Variants in ERC2 observed in about 807,000 individuals in gnomAD.
The protein encoded by ERC2 is ELKS/RAB6-interacting/CAST family member 2, also known as ERC protein 2.
A neutral mutation model predicts 114.8 loss-of-function variants in ERC2; 42 were observed. That is an observed-to-expected ratio of 0.37 (90% CI 0.29 to 0.47). The LOEUF (loss-of-function observed/expected upper bound fraction) is 0.47. ERC2 is among the 20% of genes least tolerant of loss of function. ERC2 has a pLI of 0.99. For synonymous variants in ERC2, 454 were observed against 425.5 expected, an observed-to-expected ratio of 1.07 and a Z score of -0.82; for missense variants, 939 against 1,150.7, an observed-to-expected ratio of 0.82 and a Z score of 2.66.
chr3:55,881,441 A>G (rs2063115154), intron 14 of ERC2, among the ~76,000 whole-genome samples: 1 of 152,236 alleles, frequency 6.6e-6, no homozygotes, highest in Non-Finnish European at 1.5e-5. Context: ...GTATAAGCAT[A>G]GGAAATCACC....
chr3:55,671,286 AATT>A (rs1165867330), intron 17 of ERC2, among the ~76,000 whole-genome samples: 4 of 152,218 alleles, frequency 2.6e-5, no homozygotes, highest in African/African-American at 4.8e-5. Flanking sequence ...TATTACAAAA[AATT>A]ATACTCATTA....
intron 3 of ERC2, among the ~76,000 whole-genome samples, chr3:56,175,301 A>C (rs544669427): frequency 6.6e-6 from 1 of 152,348 alleles, no homozygotes; most frequent in South Asian, 2.1e-4. Flanking sequence ...TTTGAGAACT[A>C]TACTTCCTAA....
chr3:55,551,245 G>A (rs1330298726), intron 17 of ERC2, among the ~76,000 whole-genome samples: 2 of 151,924 alleles, frequency 1.3e-5, no homozygotes, highest in African/African-American at 4.8e-5. Flanking sequence ...ATTGGCTGCT[G>A]GGCACGGTGG....
At chr3:56,374,299 G>A (rs184934958) in intron 2 of ERC2, among the ~76,000 whole-genome samples, 22 of 152,114 alleles carry the variant, frequency 1.4e-4, no homozygotes, top group Non-Finnish European at 2.5e-4. Context: ...GGGTTTCAGC[G>A]TGTTAGCCAG....
chr3:56,371,171 G>T (rs1235102361), intron 2 of ERC2, among the ~76,000 whole-genome samples: 1 of 152,152 alleles, frequency 6.6e-6, no homozygotes, highest in Non-Finnish European at 1.5e-5. Context: ...AGACCAAATA[G>T]GCAAAAGAAC....
At chr3:56,380,032 G>A (rs567036591) in intron 2 of ERC2, among the ~76,000 whole-genome samples, 99 of 151,980 alleles carry the variant, frequency 6.5e-4, no homozygotes, top group African/African-American at 2.2e-3. Flanking sequence ...ACAGCACCCC[G>A]GGCCCCCTCA....
chr3:56,375,506 T>C (rs893853967), intron 2 of ERC2, among the ~76,000 whole-genome samples: 12 of 152,222 alleles, frequency 7.9e-5, no homozygotes, highest in African/African-American at 2.9e-4. Flanking sequence ...GCCACAACTC[T>C]AGGCCTTGGG....
intron 14 of ERC2, among the ~76,000 whole-genome samples, chr3:55,867,674 C>T (rs1257425627): frequency 2.0e-5 from 3 of 152,074 alleles, no homozygotes. Context: ...ACTCGTTCTT[C>T]TTTTTGCTAG....
At chr3:56,284,993 T>G (rs2054583562) in intron 3 of ERC2, among the ~76,000 whole-genome samples, 1 of 105,102 alleles carries the variant, frequency 9.5e-6, no homozygotes. Flanking sequence ...ACTCTGTCTC[T>G]CTCTCTCTCT....
At chr3:55,627,592 T>C (rs1303266216) in intron 17 of ERC2, among the ~76,000 whole-genome samples, 1 of 152,208 alleles carries the variant, frequency 6.6e-6, no homozygotes, top group Non-Finnish European at 1.5e-5. Flanking sequence ...CCTTAATATT[T>C]AGAAGCTAGG....
intron 17 of ERC2, among the ~76,000 whole-genome samples, chr3:55,586,447 A>G (rs369886963): frequency 6.6e-6 from 1 of 152,370 alleles, no homozygotes; most frequent in East Asian, 1.9e-4. Context: ...ATATTTCCCC[A>G]TTCTAAATTC....
chr3:56,081,569 A>G (rs2077233486), intron 6 of ERC2, among the ~76,000 whole-genome samples: 1 of 152,204 alleles, frequency 6.6e-6, no homozygotes, highest in Non-Finnish European at 1.5e-5. Flanking sequence ...TAAAGAAAAA[A>G]AAAGAAAAAG....
At chr3:55,786,298 C>G (rs2069481924) in intron 14 of ERC2, among the ~76,000 whole-genome samples, 1 of 152,272 alleles carries the variant, frequency 6.6e-6, no homozygotes, top group South Asian at 2.1e-4. Flanking sequence ...AGCTTTCTAC[C>G]CACTGAATCT....
chr3:56,311,253 CTCTATATATATA>C (rs2056546690), intron 2 of ERC2, among the ~76,000 whole-genome samples: 2 of 43,530 alleles, frequency 4.6e-5, no homozygotes, highest in South Asian at 1.7e-3. Flanking sequence ...CTCTCTCTCT[CTCTATATATATA>C]TATATATATA....
At chr3:56,060,823 C>G (rs2076215350) in intron 7 of ERC2, among the ~76,000 whole-genome samples, 1 of 152,142 alleles carries the variant, frequency 6.6e-6, no homozygotes, top group African/African-American at 2.4e-5. Context: ...CCTCTTCTGC[C>G]CCTGCCCCTA....
intron 17 of ERC2, among the ~76,000 whole-genome samples, chr3:55,531,684 C>T (rs1181765737): frequency 6.6e-6 from 1 of 152,218 alleles, no homozygotes; most frequent in Non-Finnish European, 1.5e-5. Flanking sequence ...TGATTTCAAC[C>T]TGCTGATGGG....
In ERC2 at chr3:56,336,502, C is replaced by T. The variant is rs533135849; in HGVS notation, c.658-40067G>A. Among the ~76,000 whole-genome samples the T allele has an allele frequency of 8.5e-5, 13 of 152,172 alleles. No homozygotes were observed. In the South Asian group the frequency reaches 2.7e-3, roughly 32 times the overall value. On this transcript the variant is annotated intron_variant, in intron 2 of 17. Coordinates refer to ENST00000288221, the MANE Select transcript of ERC2 (RefSeq NM_015576.3). Reference sequence around the variant, plus strand: ...ATGGACCAGCTGGCCAGTAGGAAATCTCCTGTTGTGGCCAGGTGCAGTGGC... The same window carrying T: ...ATGGACCAGCTGGCCAGTAGGAAATTTCCTGTTGTGGCCAGGTGCAGTGGC...
intron 7 of ERC2, among the ~76,000 whole-genome samples, chr3:56,047,042 G>A (rs138102232): frequency 5.1e-4 from 78 of 152,182 alleles, no homozygotes; most frequent in Middle Eastern, 3.4e-3. Flanking sequence ...ACATAAACCC[G>A]GGCTTCTTTT....
intron 7 of ERC2, among the ~76,000 whole-genome samples, chr3:56,037,164 A>G (rs996626740): frequency 7.2e-5 from 11 of 152,222 alleles, no homozygotes; most frequent in African/African-American, 1.2e-4. Flanking sequence ...ATTGCAATAC[A>G]TCTCCAGCAA....
Sources: gnomAD v4.1 joint callset for allele counts (sites outside exome capture counted in the v4.1 genomes callset) on GRCh38, gnomAD v4.1.1 for gene constraint, MANE v1.5 for transcripts, NCBI Gene and HGNC (gene_info 2026-07-23, HGNC 2026-07-21) for gene names.